The following LRRK2 variants were observed in gnomAD, a reference collection of about 807,000 sequenced individuals.
The protein encoded by LRRK2 is leucine-rich repeat serine/threonine-protein kinase 2.
LRRK2 carries 203 observed loss-of-function variants against 302.6 expected under a neutral mutation model. That is an observed-to-expected ratio of 0.67 (90% confidence interval 0.60 to 0.75). The LOEUF is 0.75. Among genes scored for constraint, LRRK2 ranks in the 30% least tolerant of loss-of-function variants. LRRK2 has a pLI of 0.00. For synonymous variants in LRRK2, 1,066 were observed against 1,031.9 expected, an observed-to-expected ratio of 1.03 and a Z score of -0.63; for missense variants, 2,830 against 2,951.0, an observed-to-expected ratio of 0.96 and a Z score of 0.95.
chr12:40,284,888 C>T (rs1943858362), intron 19 of LRRK2, among the ~76,000 whole-genome samples: 1 of 152,110 alleles, frequency 6.6e-6, no homozygotes, highest in Non-Finnish European at 1.5e-5. Context: ...ATGATGCACT[C>T]ACTAGCAAAA....
At chr12:40,331,030 A>G (rs1945697789) in intron 39 of LRRK2, among the ~76,000 whole-genome samples, 3 of 151,962 alleles carry the variant, frequency 2.0e-5, no homozygotes, top group Non-Finnish European at 4.4e-5. Flanking sequence ...GTTCATGTCA[A>G]TTAGAATTTT....
In LRRK2 at chr12:40,243,584, CA is replaced by C; in HGVS notation, c.742del (p.Arg248GlyfsTer10). On this transcript the variant is annotated frameshift_variant, in exon 7 of 51. Coordinates refer to ENST00000298910, the MANE Select transcript of LRRK2 (RefSeq NM_198578.4). LOFTEE classifies it high-confidence loss of function. ...NVEVLMSGNV[R>X]CYNIVVEAMK... ...TGGAAGTCCTCATGAGTGGCAATGT[CA>C]GGTGTTATAATATTGTGGTGGAAGC... The C allele has an allele frequency of 6.2e-7, 1 of 1,611,974 alleles. No homozygotes were observed. Among genetic ancestry groups the C allele is most frequent in the South Asian group, 1.1e-5 (1 of 91,038 alleles).
intron 7 of LRRK2, among the ~76,000 whole-genome samples, chr12:40,246,270 T>A (rs1941976430): frequency 6.6e-6 from 1 of 151,886 alleles, no homozygotes; most frequent in Non-Finnish European, 1.5e-5. Flanking sequence ...TTTTTCCTTT[T>A]CATTATGTTA....
intron 4 of LRRK2, 78 bp downstream of exon 4, chr12:40,235,792 T>TG (rs1565668331): frequency 3.5e-6 from 2 of 578,042 alleles, no homozygotes; most frequent in Non-Finnish European, 5.6e-6. Flanking sequence ...TGTGTGTGTG[T>TG]GTTTTTTTTT....
At chr12:40,245,463 G>A (rs942937185) in intron 7 of LRRK2, among the ~76,000 whole-genome samples, 1 of 152,088 alleles carries the variant, frequency 6.6e-6, no homozygotes, top group Admixed American at 6.6e-5. Flanking sequence ...TGTAAGTCCT[G>A]ATATCTGAAA....
At chr12:40,232,538 TAG>T (rs1243084011) in intron 3 of LRRK2, 155 bp downstream of exon 3, 1 of 642,576 alleles carries the variant, frequency 1.6e-6, no homozygotes, top group Non-Finnish European at 2.8e-6. Flanking sequence ...TTTACATTTA[TAG>T]AGAGCTTTAA....
chr12:40,250,016 G>T (rs563591428), intron 8 of LRRK2, 71 bp downstream of exon 8: 26 of 1,568,272 alleles, frequency 1.7e-5, no homozygotes, highest in Middle Eastern at 1.7e-4. Context: ...TGTAACAAGA[G>T]AATCATATGT....
In LRRK2 at chr12:40,293,506, T is replaced by C. The variant is rs756656635; in HGVS notation, c.2690-39T>C. 4 of 1,287,258 alleles carry C rather than the reference T, an allele frequency of 3.1e-6. No homozygotes were observed. In the Admixed American group the frequency reaches 7.2e-5, roughly 23 times the overall value. 79.7% of individuals were successfully genotyped at this position (1,287,258 alleles called of 1,614,324 possible). A position where few individuals can be genotyped will look rare whatever the true frequency, so the allele number is the denominator to read the frequency against. On this transcript the variant is annotated intron_variant, in intron 20 of 50. Transcript: ENST00000298910. Reference sequence around the variant, plus strand: ...GGATCTTATGATTGAGTAAGCTTTTTGTATTCACCTTCATGTTATTTTATC... The same window carrying C: ...GGATCTTATGATTGAGTAAGCTTTTCGTATTCACCTTCATGTTATTTTATC...
intron 32 of LRRK2, 56 bp downstream of exon 32, chr12:40,314,229 G>T (rs1378045048): frequency 2.0e-6 from 3 of 1,503,346 alleles, no homozygotes; most frequent in Non-Finnish European, 2.8e-6. Flanking sequence ...TTATAAAAGT[G>T]TTTCTGAATC....
intron 46 of LRRK2, among the ~76,000 whole-genome samples, chr12:40,357,119 C>CT (rs1197968006): frequency 6.6e-6 from 1 of 152,190 alleles, no homozygotes; most frequent in Admixed American, 6.5e-5. Context: ...CCTCTGGTAA[C>CT]TATCATTCTA....
intron 16 of LRRK2, among the ~76,000 whole-genome samples, chr12:40,276,859 G>A (rs775281324): frequency 3.3e-5 from 5 of 151,992 alleles, no homozygotes; most frequent in Non-Finnish European, 7.4e-5. Context: ...TTGAGATGGG[G>A]TCTCACTCTA....
At chr12:40,274,459 C>T in intron 14 of LRRK2, 124 bp from the exon 15 acceptor site, 1 of 1,014,598 alleles carries the variant, frequency 9.9e-7, no homozygotes, top group Non-Finnish European at 1.5e-6. Context: ...TTATAGAAAA[C>T]AAAATCAAGG....
intron 30 of LRRK2, 48 bp from the exon 31 acceptor site, chr12:40,310,383 G>T (rs199739570): frequency 6.4e-7 from 1 of 1,568,568 alleles, no homozygotes; most frequent in Non-Finnish European, 8.8e-7. Flanking sequence ...ATGTGAGCAG[G>T]CCCAGTTTGA....
At chr12:40,321,944 A>ATTTT (rs1254666527) in intron 35 of LRRK2, 91 bp from the exon 36 acceptor site, 2 of 1,247,630 alleles carry the variant, frequency 1.6e-6, no homozygotes, top group African/African-American at 3.0e-5. Context: ...CAAAATGAAT[A>ATTTT]GATCTGTATT....
At chr12:40,298,796 T>TATATATATATATATATATATATAA (rs1485268496) in intron 24 of LRRK2, among the ~76,000 whole-genome samples, 2 of 117,382 alleles carry the variant, frequency 1.7e-5, no homozygotes, top group African/African-American at 3.2e-5. Context: ...TATATATATA[T>TATATATATATATATATATATATAA]ATAATATATG....
chr12:40,310,282 A>C, intron 30 of LRRK2, 149 bp from the exon 31 acceptor site: 1 of 806,898 alleles, frequency 1.2e-6, no homozygotes, highest in Non-Finnish European at 2.1e-6. Context: ...GGTTTAAGGA[A>C]AAAAGGACAG....
At chr12:40,350,127 G>T (rs1946309559) in intron 43 of LRRK2, among the ~76,000 whole-genome samples, 1 of 152,194 alleles carries the variant, frequency 6.6e-6, no homozygotes. Context: ...ATGTGGACAG[G>T]TTGATTTCTC....
intron 38 of LRRK2, among the ~76,000 whole-genome samples, chr12:40,325,468 T>A (rs965326129): frequency 3.9e-5 from 6 of 152,176 alleles, no homozygotes; most frequent in African/African-American, 1.4e-4. Context: ...CTTGGATAAC[T>A]AACTCTTTCT....
rs73269827 is a variant in LRRK2, at chr12:40,319,731, T to C, written c.4828-257T>C. On this transcript the variant is annotated intron_variant, in intron 33 of 50. Transcript: ENST00000298910. ...GTAGCTAGGGAAATACTGATGTTCA[T>C]TGTTTCAGTGAAGTTCAATGATTTC... Among the ~76,000 whole-genome samples, 1,158 of 152,168 alleles carry C rather than the reference T, an allele frequency of 7.6e-3. 21 individuals carry two copies. Among genetic ancestry groups the C allele is most frequent in the African/African-American group, 0.026 (1,065 of 41,530 alleles).
Sources: gnomAD v4.1 joint callset for allele counts (sites outside exome capture counted in the v4.1 genomes callset) on GRCh38, gnomAD v4.1.1 for gene constraint, MANE v1.5 for transcripts, NCBI Gene and HGNC (gene_info 2026-07-23, HGNC 2026-07-21) for gene names.